The following TBC1D14 variants were observed in gnomAD, a reference collection of about 807,000 sequenced individuals.
TBC1D14 encodes TBC1 domain family, member 14.
Under a neutral mutation model 79.0 loss-of-function variants are expected in TBC1D14, and 26 were observed. That is an observed-to-expected ratio of 0.33 (90% CI 0.24 to 0.46). The LOEUF (loss-of-function observed/expected upper bound fraction) is 0.46. TBC1D14 is among the 20% of genes least tolerant of loss of function. The pLI is 1.00. For synonymous variants in TBC1D14, 394 were observed against 349.9 expected (o/e 1.13, Z -1.40); for missense variants, 769 against 887.6 (o/e 0.87, Z 1.70).
intron 2 of TBC1D14, among the ~76,000 whole-genome samples, chr4:6,964,039 AC>A (rs1450224050): frequency 6.6e-6 from 1 of 152,026 alleles, no homozygotes; most frequent in Non-Finnish European, 1.5e-5. Context: ...CAGGCAATCC[AC>A]CCACCTCGGC....
At chr4:7,000,026 C>G (rs1431097413) in intron 6 of TBC1D14, among the ~76,000 whole-genome samples, 2 of 152,196 alleles carry the variant, frequency 1.3e-5, no homozygotes. Context: ...TGCTCTCGTC[C>G]CACATGTCAG....
intron 2 of TBC1D14, among the ~76,000 whole-genome samples, chr4:6,955,531 C>T (rs1367102675): frequency 1.3e-5 from 2 of 152,182 alleles, no homozygotes. Flanking sequence ...AAGATTCCCT[C>T]CTGGGCCTGG....
intron 12 of TBC1D14, among the ~76,000 whole-genome samples, chr4:7,024,218 G>T (rs1392212033): frequency 6.6e-6 from 1 of 152,198 alleles, no homozygotes; most frequent in African/African-American, 2.4e-5. Flanking sequence ...AGCTTTAGTG[G>T]CCTGACCTCC....
intron 2 of TBC1D14, among the ~76,000 whole-genome samples, chr4:6,953,303 G>A (rs1230203019): frequency 2.1e-5 from 3 of 139,898 alleles, no homozygotes; most frequent in Non-Finnish European, 4.7e-5. Context: ...GATTACAGGC[G>A]TGAGCCACCA....
intron 6 of TBC1D14, among the ~76,000 whole-genome samples, chr4:6,999,962 G>T (rs931538257): frequency 6.6e-6 from 1 of 152,176 alleles, no homozygotes; most frequent in African/African-American, 2.4e-5. Flanking sequence ...GCGGGCAGAA[G>T]TCCCAAGGCT....
chr4:6,957,108 GTTC>G (rs1380498576), intron 2 of TBC1D14, among the ~76,000 whole-genome samples: 1 of 152,218 alleles, frequency 6.6e-6, no homozygotes, highest in Non-Finnish European at 1.5e-5. Flanking sequence ...CCGGCCAGCT[GTTC>G]TTCATTTGTA....
intron 2 of TBC1D14, among the ~76,000 whole-genome samples, chr4:6,964,099 A>G (rs1008370501): frequency 1.3e-5 from 2 of 152,158 alleles, no homozygotes; most frequent in African/African-American, 4.8e-5. Flanking sequence ...CCCAGCCACA[A>G]CTTTGATTTT....
At chr4:6,966,499 T>C (rs1181608062) in intron 2 of TBC1D14, among the ~76,000 whole-genome samples, 2 of 152,266 alleles carry the variant, frequency 1.3e-5, no homozygotes, top group Admixed American at 6.5e-5. Context: ...ATTTACCTTG[T>C]ACATAATTTA....
chr4:6,938,894 C>T (rs1286736290), intron 2 of TBC1D14, among the ~76,000 whole-genome samples: 2 of 152,230 alleles, frequency 1.3e-5, no homozygotes, highest in Non-Finnish European at 2.9e-5. Context: ...TGCAGCCGCA[C>T]TCTGAAGAGT....
intron 5 of TBC1D14, among the ~76,000 whole-genome samples, chr4:6,998,494 A>G (rs1485811705): frequency 6.6e-6 from 1 of 151,936 alleles, no homozygotes; most frequent in Non-Finnish European, 1.5e-5. Context: ...TCAGGATGGT[A>G]ATTTCAGGGA....
chr4:6,968,597 G>GCAGGCAGGGC (rs1715913259), intron 3 of TBC1D14, among the ~76,000 whole-genome samples: 1 of 152,230 alleles, frequency 6.6e-6, no homozygotes, highest in African/African-American at 2.4e-5. Flanking sequence ...GACCCCTTTT[G>GCAGGCAGGGC]CAGGCAGGGC....
intron 13 of TBC1D14, among the ~76,000 whole-genome samples, chr4:7,027,822 C>G (rs1348075549): frequency 1.4e-5 from 2 of 147,304 alleles, no homozygotes. Context: ...CCCTTAAATA[C>G]ACAGTCACCC....
intron 3 of TBC1D14, among the ~76,000 whole-genome samples, chr4:6,980,211 C>T (rs1332012800): frequency 1.3e-5 from 2 of 151,970 alleles, no homozygotes; most frequent in Non-Finnish European, 2.9e-5. Context: ...ATGTTCTGAC[C>T]AGAGTGATAT....
intron 4 of TBC1D14, 88 bp downstream of exon 4, chr4:6,994,390 G>T: frequency 8.5e-7 from 1 of 1,172,910 alleles, no homozygotes; most frequent in Non-Finnish European, 1.3e-6. Flanking sequence ...AAAAACTAGG[G>T]TCAGAAAAGG....
Position 6,954,281 on chromosome 4 carries a change from G to C in TBC1D14, c.723-13023G>C, listed in dbSNP as rs947253970. The C allele has an allele frequency of 4.2e-6, 3 of 717,390 alleles. No homozygotes were observed. The African/African-American group carries it at 5.2e-5, about 13-fold the overall frequency. The allele number at this position is 717,390 out of a possible 1,614,324, so 44.4% of individuals were successfully genotyped here. A position where few individuals can be genotyped will look rare whatever the true frequency, so the allele number is the denominator to read the frequency against. On this transcript the variant is annotated intron_variant, in intron 2 of 13. Coordinates refer to ENST00000409757, the MANE Select transcript of TBC1D14 (RefSeq NM_020773.3). Reference sequence around the variant, plus strand: ...GTGCTTCTGCAGCCGGCCCCTCGGAGCTGCGAGGTCACAGTAGACATGATG... The same window carrying C: ...GTGCTTCTGCAGCCGGCCCCTCGGACCTGCGAGGTCACAGTAGACATGATG...
intron 2 of TBC1D14, among the ~76,000 whole-genome samples, chr4:6,964,794 A>AT (rs1166224666): frequency 7.2e-5 from 11 of 152,162 alleles, no homozygotes; most frequent in Admixed American, 1.3e-4. Context: ...TATTTGTTTT[A>AT]TTTTTTTGAA....
At position 7,030,450 on chromosome 4, in the gene TBC1D14, G is replaced by A. The variant is rs1188029116; in HGVS notation, c.*58G>A. The stretch of plus-strand genomic sequence containing the variant: ...CAGAGCCCCATGCCGCGGCCCCTCT[G>A]TTGTTTCAGACTGACACCCGGGCAG... On this transcript the variant is annotated 3_prime_UTR_variant, in exon 14 of 14. Coordinates refer to ENST00000409757, the MANE Select transcript of TBC1D14 (RefSeq NM_020773.3). 1.9e-6 allele frequency: 3 copies of A among 1,584,360 alleles called. No homozygotes were observed. In the African/African-American group the frequency reaches 4.0e-5, roughly 21 times the overall value.
chr4:6,933,687 A>G (rs1577479457), intron 2 of TBC1D14, among the ~76,000 whole-genome samples: 1 of 152,174 alleles, frequency 6.6e-6, no homozygotes, highest in South Asian at 2.1e-4. Flanking sequence ...TTCATAGTTT[A>G]TGCCTGTGTT....
chr4:6,923,863 C>T lies in TBC1D14; in HGVS notation c.474C>T (p.Ser158=), dbSNP rs143623283. Residue 158 remains serine (S), a synonymous_variant, in exon 2 of 14, where the codon AGC becomes AGT. Transcript: ENST00000409757. ...GCAGCGATGATGTCTCCGTCTGCAG[C>T]GTGTCCAGTCTTGGGACAGAGCTGT... ...LTRSDDVSVC[S]VSSLGTELST... is the part of the protein sequence containing the mutation. 1.9e-5 allele frequency: 30 copies of T among 1,614,044 alleles called. No individual in the cohort carries two copies. In the African/African-American group the frequency reaches 1.9e-4, roughly 10 times the overall value.
Sources: gnomAD v4.1 joint callset for allele counts (sites outside exome capture counted in the v4.1 genomes callset) on GRCh38, gnomAD v4.1.1 for gene constraint, MANE v1.5 for transcripts, NCBI Gene and HGNC (gene_info 2026-07-23, HGNC 2026-07-21) for gene names.